The following GNAQ variants were observed in gnomAD, a reference collection of about 807,000 sequenced individuals.
GNAQ encodes G protein subunit alpha q, also known as guanine nucleotide-binding protein G(q) subunit alpha.
GNAQ carries 8 observed loss-of-function variants against 43.9 expected under a neutral mutation model. The ratio of observed to expected loss-of-function variants is 0.18; its 90% CI spans 0.11 to 0.33. The LOEUF (loss-of-function observed/expected upper bound fraction) is 0.33, where lower values mean the gene tolerates loss of function less well. Among genes scored for constraint, GNAQ ranks in the 10% least tolerant of loss-of-function variants. The pLI is 1.00. For synonymous variants in GNAQ, 155 were observed against 170.7 expected (o/e 0.91, Z 0.71); for missense variants, 158 against 450.8 (o/e 0.35, Z 5.88).
chr9:77,762,468 G>T (rs1185651047), intron 5 of GNAQ, among the ~76,000 whole-genome samples: 9 of 144,062 alleles, frequency 6.2e-5, no homozygotes, highest in Admixed American at 5.3e-4. Context: ...CATCCGGGAG[G>T]GAGGTGGGGG....
intron 5 of GNAQ, among the ~76,000 whole-genome samples, chr9:77,763,070 G>C (rs1826076640): frequency 6.7e-6 from 1 of 149,200 alleles, no homozygotes; most frequent in Admixed American, 6.7e-5. Context: ...ATCCCTCTCT[G>C]TGAGAAACAC....
At chr9:77,937,388 A>C (rs1209564422) in intron 1 of GNAQ, among the ~76,000 whole-genome samples, 1 of 152,068 alleles carries the variant, frequency 6.6e-6, no homozygotes, top group South Asian at 2.1e-4. Context: ...CAGTGAGCCA[A>C]GATCGCACCA....
intron 2 of GNAQ, among the ~76,000 whole-genome samples, chr9:77,850,905 C>T (rs1449055454): frequency 6.6e-6 from 1 of 152,170 alleles, no homozygotes; most frequent in African/African-American, 2.4e-5. Flanking sequence ...ATCCCCACCC[C>T]CACATCTGTC....
chr9:77,937,044 T>TA (rs1184348768), intron 1 of GNAQ, among the ~76,000 whole-genome samples: 2 of 152,236 alleles, frequency 1.3e-5, no homozygotes, highest in East Asian at 3.8e-4. Context: ...TGTTTTGTAC[T>TA]ATAACAGGTG....
intron 5 of GNAQ, among the ~76,000 whole-genome samples, chr9:77,783,793 G>A (rs1158287920): frequency 6.6e-6 from 1 of 152,120 alleles, no homozygotes; most frequent in Non-Finnish European, 1.5e-5. Flanking sequence ...AGATATGGTG[G>A]CTCATGGCTG....
At chr9:77,819,560 AAGCTCTT>A (rs1827079114) in intron 2 of GNAQ, among the ~76,000 whole-genome samples, 1 of 152,150 alleles carries the variant, frequency 6.6e-6, no homozygotes, top group Non-Finnish European at 1.5e-5. Flanking sequence ...ACATTTGTGG[AAGCTCTT>A]AGACACAAAT....
rs115049013 is a variant in GNAQ, at chr9:77,991,751, A to G, written c.136+39349T>C. 6.6e-3 allele frequency among the ~76,000 whole-genome samples: 1,010 copies of G among 152,204 alleles called. 5 individuals carry two copies. The highest frequency in any genetic ancestry group is 0.017 in the African/African-American group (722 of 41,510). On this transcript the variant is annotated intron_variant, in intron 1 of 6. Transcript: ENST00000286548. Reference sequence around the variant, plus strand: ...GCTTCCCTCCAAGTCCCCTAAGTCCATTATATAATTCTTATGCCTTTGTAT... The same window carrying G: ...GCTTCCCTCCAAGTCCCCTAAGTCCGTTATATAATTCTTATGCCTTTGTAT...
At chr9:77,798,260 C>T (rs1170134057) in intron 3 of GNAQ, among the ~76,000 whole-genome samples, 2 of 152,110 alleles carry the variant, frequency 1.3e-5, no homozygotes, top group African/African-American at 2.4e-5. Context: ...GTCACCACAC[C>T]TTAACTTTAT....
At chr9:77,974,234 A>G (rs1182209236) in intron 1 of GNAQ, among the ~76,000 whole-genome samples, 1 of 152,048 alleles carries the variant, frequency 6.6e-6, no homozygotes, top group Admixed American at 6.6e-5. Context: ...TGAGCTTTCA[A>G]TTTCTGGGTC....
rs946944556 is a variant in GNAQ at position 77,782,055 on chromosome 9, T to C, written c.735+12408A>G. Among the ~76,000 whole-genome samples, 4 of 152,040 alleles carry C rather than the reference T, an allele frequency of 2.6e-5. No homozygotes were observed. The East Asian group carries it at 7.7e-4, about 29-fold the overall frequency. On this transcript the variant is annotated intron_variant, in intron 5 of 6. Transcript: ENST00000286548. ...AAAAGGAAATAAAAGGTACACAGATTGAGAAGGAAGAAAACTGTCTCTGTT... is the reference window on the plus strand; with the variant it reads ...AAAAGGAAATAAAAGGTACACAGATCGAGAAGGAAGAAAACTGTCTCTGTT...
intron 1 of GNAQ, among the ~76,000 whole-genome samples, chr9:77,928,681 A>T (rs957583200): frequency 6.6e-6 from 1 of 152,174 alleles, no homozygotes; most frequent in African/African-American, 2.4e-5. Context: ...TTGGTTGCAG[A>T]ACTTCCTGAA....
chr9:77,726,507 C>T (rs1825398588), intron 6 of GNAQ, among the ~76,000 whole-genome samples: 1 of 152,160 alleles, frequency 6.6e-6, no homozygotes, highest in Non-Finnish European at 1.5e-5. Flanking sequence ...ATGACTAAAC[C>T]TCCATCCCTG....
chr9:77,960,819 A>C (rs1163982758), intron 1 of GNAQ, among the ~76,000 whole-genome samples: 5 of 152,220 alleles, frequency 3.3e-5, no homozygotes, highest in African/African-American at 4.8e-5. Context: ...CAGAAAAATA[A>C]GAAACTTAAG....
chr9:77,900,726 A>G (rs1019456455), intron 2 of GNAQ, among the ~76,000 whole-genome samples: 2 of 151,900 alleles, frequency 1.3e-5, no homozygotes. Context: ...ATGTTTTCCC[A>G]CAATCCTTAC....
At chr9:78,025,820 A>G (rs1484762616) in intron 1 of GNAQ, among the ~76,000 whole-genome samples, 1 of 152,184 alleles carries the variant, frequency 6.6e-6, no homozygotes, top group African/African-American at 2.4e-5. Context: ...ATTAATATGA[A>G]TGCTGGAATC....
intron 5 of GNAQ, among the ~76,000 whole-genome samples, chr9:77,742,447 A>T (rs192105258): frequency 1.3e-5 from 2 of 152,326 alleles, no homozygotes; most frequent in Admixed American, 1.3e-4. Flanking sequence ...ATTTTGCCCC[A>T]AATAAGAGTT....
intron 2 of GNAQ, among the ~76,000 whole-genome samples, chr9:77,842,591 T>C (rs1439273962): frequency 6.6e-6 from 1 of 152,180 alleles, no homozygotes. Flanking sequence ...GACAGAATCG[T>C]GGAGAAACAC....
At chr9:77,731,908 C>T (rs564395539) in intron 5 of GNAQ, among the ~76,000 whole-genome samples, 58 of 152,102 alleles carry the variant, frequency 3.8e-4, no homozygotes, top group Non-Finnish European at 6.6e-4. Context: ...AATTAAGATT[C>T]TTTATGCTAT....
At chr9:77,773,562 GTCTGAT>G (rs1239920491) in intron 5 of GNAQ, among the ~76,000 whole-genome samples, 9 of 152,218 alleles carry the variant, frequency 5.9e-5, no homozygotes, top group African/African-American at 2.2e-4. Context: ...ATCCAAGATA[GTCTGAT>G]TCTATTTCCC....
Sources: allele counts gnomAD v4.1 joint callset (sites outside exome capture counted in the v4.1 genomes callset), GRCh38; gene constraint gnomAD v4.1.1; transcripts MANE v1.5; gene names NCBI Gene and HGNC (gene_info 2026-07-23, HGNC 2026-07-21).